SMCHD1: variants seen among roughly 807,000 people sequenced by gnomAD.
SMCHD1 encodes structural maintenance of chromosomes flexible hinge domain-containing protein 1.
A neutral mutation model predicts 254.7 loss-of-function variants in SMCHD1; 78 were observed. That is an observed-to-expected ratio of 0.31 (90% CI 0.26 to 0.37). The LOEUF is 0.37. Among genes scored for constraint, SMCHD1 ranks in the 10% least tolerant of loss-of-function variants. The pLI is 1.00. For synonymous variants in SMCHD1, 766 were observed against 794.9 expected (o/e 0.96, Z 0.61); for missense variants, 1,840 against 2,408.1 (o/e 0.76, Z 4.94).
At chr18:2,800,204 C>T (rs1355705567) in intron 47 of SMCHD1, among the ~76,000 whole-genome samples, 2 of 151,592 alleles carry the variant, frequency 1.3e-5, no homozygotes, top group African/African-American at 2.4e-5. Context: ...AGTCCTGTCT[C>T]CCAAACAGGG....
At chr18:2,662,266 A>T (rs2073305310) in intron 1 of SMCHD1, among the ~76,000 whole-genome samples, 1 of 151,900 alleles carries the variant, frequency 6.6e-6, no homozygotes, top group South Asian at 2.1e-4. Flanking sequence ...GAATAATTAG[A>T]TATGTTTAGG....
Position 2,763,805 on chromosome 18 carries a change from C to G in SMCHD1, c.4719+16C>G. 1 of 1,600,028 alleles carries G rather than the reference C, an allele frequency of 6.2e-7. No individual in the cohort carries two copies. Among genetic ancestry groups the G allele is most frequent in the Non-Finnish European group, 8.5e-7 (1 of 1,174,422 alleles). On this transcript the variant is annotated intron_variant, in intron 37 of 47. Transcript: ENST00000320876. Reference sequence around the variant, plus strand: ...TGAAATCATGGTAAATTTTTTATATCTTTTGGTAGATAGAATTTCTGTATT... The same window carrying G: ...TGAAATCATGGTAAATTTTTTATATGTTTTGGTAGATAGAATTTCTGTATT...
intron 21 of SMCHD1, among the ~76,000 whole-genome samples, chr18:2,725,734 A>G (rs539207442): frequency 6.6e-6 from 1 of 151,954 alleles, no homozygotes; most frequent in African/African-American, 2.4e-5. Context: ...TGAGTTCTTG[A>G]TTCTTTCTGA....
At chr18:2,711,264 C>CTTT (rs148895802) in intron 17 of SMCHD1, among the ~76,000 whole-genome samples, 9 of 144,376 alleles carry the variant, frequency 6.2e-5, no homozygotes, top group Non-Finnish European at 1.1e-4. Context: ...CCATGGCTCC[C>CTTT]TTTTTTTTTT....
intron 1 of SMCHD1, among the ~76,000 whole-genome samples, 164 bp downstream of exon 1, chr18:2,656,425 C>G (rs1415098094): frequency 6.6e-6 from 1 of 152,204 alleles, no homozygotes; most frequent in Non-Finnish European, 1.5e-5. Context: ...ACCTGGTGGC[C>G]GGACGCCTCG....
intron 4 of SMCHD1, 31 bp downstream of exon 4, chr18:2,673,394 C>G: frequency 7.2e-7 from 1 of 1,387,644 alleles, no homozygotes; most frequent in Non-Finnish European, 9.6e-7. Context: ...AGCAATTTAA[C>G]TTTTCCTTTT....
chr18:2,759,475 A>G (rs1340246137), intron 34 of SMCHD1, among the ~76,000 whole-genome samples: 1 of 134,742 alleles, frequency 7.4e-6, no homozygotes, highest in Non-Finnish European at 1.5e-5. Context: ...TGTTAACTCT[A>G]ACATTTTCAA....
intron 35 of SMCHD1, 135 bp from the exon 36 acceptor site, chr18:2,761,970 A>G (rs917887519): frequency 5.5e-6 from 4 of 733,480 alleles, no homozygotes; most frequent in African/African-American, 3.5e-5. Context: ...ATTACTTTTA[A>G]AAGATTAATG....
At chr18:2,769,633 T>C (rs2075938724) in intron 37 of SMCHD1, 61 bp from the exon 38 acceptor site, 2 of 1,513,672 alleles carry the variant, frequency 1.3e-6, no homozygotes, top group South Asian at 1.2e-5. Flanking sequence ...ATGTAACATT[T>C]ATATGTTGTA....
intron 5 of SMCHD1, among the ~76,000 whole-genome samples, chr18:2,683,640 G>A (rs2073977862): frequency 6.6e-6 from 1 of 152,176 alleles, no homozygotes; most frequent in South Asian, 2.1e-4. Flanking sequence ...TCTACTGGTT[G>A]ATGATATTAT....
At chr18:2,686,703 G>A (rs117006412) in intron 5 of SMCHD1, among the ~76,000 whole-genome samples, 2 of 152,046 alleles carry the variant, frequency 1.3e-5, no homozygotes, top group East Asian at 1.9e-4. Context: ...ATTTTGTGTC[G>A]ACAGTTTGTG....
At chr18:2,784,675 T>C in intron 45 of SMCHD1, 54 bp downstream of exon 45, 2 of 1,448,122 alleles carry the variant, frequency 1.4e-6, no homozygotes, top group Non-Finnish European at 1.8e-6. Flanking sequence ...TACTCTTATT[T>C]TTCTAAGAGC....
chr18:2,740,793 A>T lies in SMCHD1; in HGVS notation c.3605A>T (p.Asp1202Val). The change falls in exon 28 of 48, where the codon GAT (aspartate) becomes GTT (valine). Residue 1202 changes from aspartate (D) to valine (V), a missense_variant. By Grantham distance (152) the Asp-to-Val change is radical. Around this residue, in one of 9 missense-constraint regions of SMCHD1, gnomAD observed 881 missense variants for 1,009.5 expected, o/e 0.87. Transcript: ENST00000320876. ...TTGTCAATTGCTGGGGTTGGACTTG[A>T]TAGCTCAAATTTGAAAACAACCTTT... ...SSLSIAGVGL[D>V]SSNLKTTFQE... 6.2e-7 allele frequency: 1 copy of T among 1,608,380 alleles called. No homozygotes were observed. The highest frequency in any genetic ancestry group is 1.1e-5 in the South Asian group (1 of 90,068).
At chr18:2,759,576 T>TTTTTTTTC (rs1386416174) in intron 34 of SMCHD1, among the ~76,000 whole-genome samples, 1 of 131,908 alleles carries the variant, frequency 7.6e-6, no homozygotes, top group Admixed American at 7.6e-5. Flanking sequence ...TCTCTCTTTT[T>TTTTTTTTC]TTTTTTTTTT....
In SMCHD1 at chr18:2,716,099, T is replaced by A. The variant is rs1251972569; in HGVS notation, c.2261-2059T>A. Among the ~76,000 whole-genome samples, 16 of 152,338 alleles carry A rather than the reference T, an allele frequency of 1.1e-4. No homozygotes were observed. In the East Asian group the frequency reaches 1.7e-3, roughly 17 times the overall value. On this transcript the variant is annotated intron_variant, in intron 17 of 47. Coordinates refer to ENST00000320876, the MANE Select transcript of SMCHD1 (RefSeq NM_015295.3). ...CTTGATGATGTGTCTATGATGTATG[T>A]TTAATAGATTCTTGTGGCTTTGCTT...
chr18:2,678,053 T>G (rs2073795806), intron 5 of SMCHD1, among the ~76,000 whole-genome samples: 1 of 152,168 alleles, frequency 6.6e-6, no homozygotes, highest in Non-Finnish European at 1.5e-5. Context: ...TTAGCTTTGT[T>G]CTCCTCCCAC....
chr18:2,778,627 A>G (rs867554900), intron 44 of SMCHD1, among the ~76,000 whole-genome samples: 4 of 127,706 alleles, frequency 3.1e-5, no homozygotes, highest in African/African-American at 8.7e-5. Context: ...AATTTATTGT[A>G]TCACAGTTCT....
chr18:2,765,086 A>G (rs2075844788), intron 37 of SMCHD1, among the ~76,000 whole-genome samples: 1 of 152,148 alleles, frequency 6.6e-6, no homozygotes, highest in African/African-American at 2.4e-5. Flanking sequence ...TTTTGGTTTT[A>G]ATCTTTCTAA....
chr18:2,689,423 G>C (rs2074124176), intron 7 of SMCHD1, among the ~76,000 whole-genome samples: 1 of 151,844 alleles, frequency 6.6e-6, no homozygotes, highest in Non-Finnish European at 1.5e-5. Context: ...GTTTCACCAT[G>C]TTGGCCAGGC....
Sources: gnomAD v4.1 joint callset for allele counts (sites outside exome capture counted in the v4.1 genomes callset) on GRCh38, gnomAD v4.1.1 for gene constraint, gnomAD v4.1.1 regional missense constraint, MANE v1.5 for transcripts, NCBI Gene and HGNC (gene_info 2026-07-23, HGNC 2026-07-21) for gene names.